The following NCOR2 variants were observed in gnomAD, a reference collection of about 807,000 sequenced individuals.
The protein encoded by NCOR2 is nuclear receptor corepressor 2.
Under a neutral mutation model 262.9 loss-of-function variants are expected in NCOR2, and 81 were observed. The ratio of observed to expected loss-of-function variants is 0.31; its 90% CI spans 0.26 to 0.37. NCOR2 has a LOEUF of 0.37. Among genes scored for constraint, NCOR2 ranks in the 10% least tolerant of loss-of-function variants. The probability of loss-of-function intolerance (pLI) is 1.00; values close to 1 mark genes in which losing one functional copy is unlikely to be tolerated. For missense variants in NCOR2, 3,385 were observed against 3,621.4 expected, an observed-to-expected ratio of 0.93 and a Z score of 1.68; for synonymous variants, 1,659 against 1,559.3, an observed-to-expected ratio of 1.06 and a Z score of -1.51.
chr12:124,557,137 G>C (rs2051909493), intron 1 of NCOR2, among the ~76,000 whole-genome samples: 1 of 152,194 alleles, frequency 6.6e-6, no homozygotes, highest in Non-Finnish European at 1.5e-5. Context: ...TTCCTGCCCT[G>C]GGTTTTACAG....
intron 20 of NCOR2, among the ~76,000 whole-genome samples, chr12:124,364,485 G>A (rs753468124): frequency 2.6e-5 from 4 of 152,174 alleles, no homozygotes; most frequent in African/African-American, 7.2e-5. Context: ...GGGCAGGTAG[G>A]GCCTGCCCAC....
exon 35 of NCOR2, chr12:124,340,607 G>A (rs1315418896): frequency 6.7e-7 from 1 of 1,500,246 alleles, no homozygotes; most frequent in African/African-American, 1.4e-5. Context: ...GCTACCTGGG[G>A]AGAGTGGGGA....
At chr12:124,377,993 G>A (rs1039455227) in intron 18 of NCOR2, among the ~76,000 whole-genome samples, 9 of 152,150 alleles carry the variant, frequency 5.9e-5, no homozygotes, top group African/African-American at 2.2e-4. Context: ...GAAGAGCTGA[G>A]CGAGGCTTGG....
intron 4 of NCOR2, among the ~76,000 whole-genome samples, chr12:124,470,982 G>A (rs568707185): frequency 6.6e-6 from 1 of 152,352 alleles, no homozygotes; most frequent in East Asian, 1.9e-4. Flanking sequence ...GCCTAACGGT[G>A]CGGTACCAGG....
exon 46 of NCOR2, chr12:124,326,291 C>T: frequency 1.3e-6 from 2 of 1,567,206 alleles, no homozygotes; most frequent in Non-Finnish European, 8.6e-7. Flanking sequence ...GTGGCCGGTC[C>T]CCAGATGCCA....
chr12:124,420,417 A>G (rs2043142607), intron 12 of NCOR2, among the ~76,000 whole-genome samples: 1 of 152,176 alleles, frequency 6.6e-6, no homozygotes, highest in Non-Finnish European at 1.5e-5. Flanking sequence ...TATGGGAAAC[A>G]AGGACTCCAG....
intron 1 of NCOR2, among the ~76,000 whole-genome samples, chr12:124,562,855 T>C (rs2052116753): frequency 6.6e-6 from 1 of 152,254 alleles, no homozygotes; most frequent in African/African-American, 2.4e-5. Flanking sequence ...AGTGAAGTCT[T>C]TGCTCTCCAA....
intron 13 of NCOR2, among the ~76,000 whole-genome samples, chr12:124,411,585 A>G (rs2136244202): frequency 6.6e-6 from 1 of 152,342 alleles, no homozygotes; most frequent in East Asian, 1.9e-4. Flanking sequence ...TGGCCTAGCC[A>G]GCCTCACATC....
intron 15 of NCOR2, among the ~76,000 whole-genome samples, chr12:124,398,648 T>C (rs1320665156): frequency 6.6e-6 from 1 of 152,196 alleles, no homozygotes; most frequent in Non-Finnish European, 1.5e-5. Flanking sequence ...CCAGCTCTTC[T>C]ATTACTGTGG....
chr12:124,408,572 C>T (rs1215547956), intron 13 of NCOR2, among the ~76,000 whole-genome samples: 2 of 151,612 alleles, frequency 1.3e-5, no homozygotes, highest in Non-Finnish European at 2.9e-5. Flanking sequence ...ACAGTGAGAC[C>T]CTGTCACTAC....
intron 37 of NCOR2, among the ~76,000 whole-genome samples, chr12:124,337,677 T>C (rs903937098): frequency 6.6e-6 from 1 of 152,242 alleles, no homozygotes; most frequent in South Asian, 2.1e-4. Context: ...AAAAGCCACG[T>C]GAGGAGTGAG....
chr12:124,536,760 T>TA (rs531879030), upstream of NCOR2, among the ~76,000 whole-genome samples: 22 of 152,336 alleles, frequency 1.4e-4, no homozygotes, highest in African/African-American at 4.8e-4. Context: ...TTCTTATAGT[T>TA]AAACACATGC....
chr12:124,476,560 AAAG>A (rs946750619), intron 3 of NCOR2, among the ~76,000 whole-genome samples: 1 of 152,234 alleles, frequency 6.6e-6, no homozygotes, highest in Admixed American at 6.5e-5. Flanking sequence ...ACATTAACAA[AAAG>A]AAGATTTCCA....
At chr12:124,537,166 C>T (rs189535470), upstream of NCOR2, among the ~76,000 whole-genome samples, 1 of 152,244 alleles carries the variant, frequency 6.6e-6, no homozygotes, top group Admixed American at 6.5e-5. Flanking sequence ...TGTTAGGACG[C>T]CAATCACCTC....
intron 1 of NCOR2, among the ~76,000 whole-genome samples, chr12:124,535,137 C>T (rs1275447396): frequency 6.6e-6 from 1 of 152,230 alleles, no homozygotes; most frequent in Admixed American, 6.5e-5. Context: ...GGTGGTTCAG[C>T]CTCAGGGCTT....
intron 3 of NCOR2, among the ~76,000 whole-genome samples, chr12:124,479,307 C>T (rs2047278480): frequency 1.3e-5 from 2 of 152,088 alleles, no homozygotes; most frequent in Admixed American, 1.3e-4. Context: ...CACGCACATG[C>T]ACGGACACAT....
At chr12:124,402,501 T>G (rs2136204158) in exon 14 of NCOR2, 1 of 1,536,040 alleles carries the variant, frequency 6.5e-7, no homozygotes, top group African/African-American at 1.4e-5. Flanking sequence ...TCCTGGCTGC[T>G]GCGGGGCATG....
intron 7 of NCOR2, among the ~76,000 whole-genome samples, chr12:124,445,007 C>T (rs1054547626): frequency 6.6e-6 from 1 of 152,156 alleles, no homozygotes; most frequent in Non-Finnish European, 1.5e-5. Context: ...TCCCCCTTTC[C>T]GCCTGCACAG....
chr12:124,513,486 C>T (rs1484071210), intron 1 of NCOR2: 2 of 152,224 alleles, frequency 1.3e-5, no homozygotes, highest in Admixed American at 1.3e-4. Flanking sequence ...AGTAGAGGGA[C>T]TTTTGGGGAT....
Sources: gnomAD v4.1 joint callset for allele counts (sites outside exome capture counted in the v4.1 genomes callset) on GRCh38, gnomAD v4.1.1 for gene constraint, MANE v1.5 for transcripts, NCBI Gene and HGNC (gene_info 2026-07-23, HGNC 2026-07-21) for gene names.